The following ZNF184 variants were observed in gnomAD, a reference collection of about 807,000 sequenced individuals.
The protein encoded by ZNF184 is zinc finger protein 184.
In ZNF184, 16 loss-of-function variants were observed where a neutral mutation model predicts 54.4. The observed-to-expected ratio is 0.29, with a 90% CI of 0.20 to 0.45. ZNF184 has a LOEUF of 0.45. ZNF184 is among the 20% of genes least tolerant of loss of function. ZNF184 has a pLI of 1.00. For synonymous variants in ZNF184, 254 were observed against 295.3 expected, an observed-to-expected ratio of 0.86 and a Z score of 1.43; for missense variants, 681 against 888.2, an observed-to-expected ratio of 0.77 and a Z score of 2.97.
At position 27,467,177 on chromosome 6, in the gene ZNF184, A is replaced by T. The variant is rs549844556; in HGVS notation, c.75+676T>A. ...AGGCATCCCAAGTCCCCCATCCTCC[A>T]TGAAACTCTCCTAATCCCTCCAGAC... On this transcript the variant is annotated intron_variant, in intron 3 of 5. Coordinates refer to ENST00000683788, the MANE Select transcript of ZNF184 (RefSeq NM_001318891.2). Among the ~76,000 whole-genome samples, 25 of 152,328 alleles carry T rather than the reference A, an allele frequency of 1.6e-4. No homozygotes were observed. The East Asian group carries it at 4.6e-3, about 28-fold the overall frequency.
the ZNF184 span, among the ~76,000 whole-genome samples, chr6:27,434,984 T>C: frequency 2.0e-5 from 3 of 152,252 alleles, no homozygotes; most frequent in Non-Finnish European, 2.9e-5. Flanking sequence ...TGAGGGTTTA[T>C]TTCTTTGCTG....
At chr6:27,436,742 G>A in the ZNF184 span, among the ~76,000 whole-genome samples, 2 of 152,154 alleles carry the variant, frequency 1.3e-5, no homozygotes, top group Admixed American at 6.5e-5. Context: ...ATATATGTAT[G>A]TGTCACTTGA....
In ZNF184 at chr6:27,452,258, G is replaced by A; in HGVS notation, c.1301C>T (p.Thr434Ile). ...CCCAGTATGAGTTTTTTGATGCTGA[G>A]TGAGGTTTGAGTGCTGGCTGAAGGC... ...GKAFSQHSNL[T>I]QHQKTHTGEK... Residue 434 changes from threonine to isoleucine, a missense_variant, in exon 6 of 6, where the codon ACT becomes ATT. Coordinates refer to ENST00000683788, the MANE Select transcript of ZNF184 (RefSeq NM_001318891.2). The surrounding 1 kb of genome is among the most constrained non-coding windows in gnomAD (Gnocchi z 5.5). The A allele has an allele frequency of 6.2e-7, 1 of 1,614,062 alleles. No homozygotes were observed. Among genetic ancestry groups the A allele is most frequent in the Non-Finnish European group, 8.5e-7 (1 of 1,179,998 alleles).
At chr6:27,443,800 T>G in the ZNF184 span, among the ~76,000 whole-genome samples, 4 of 151,652 alleles carry the variant, frequency 2.6e-5, no homozygotes, top group Non-Finnish European at 4.4e-5. Flanking sequence ...CACCCCCACT[T>G]TAGCTCTTAC....
the ZNF184 span, among the ~76,000 whole-genome samples, chr6:27,425,168 G>T: frequency 6.6e-6 from 1 of 152,196 alleles, no homozygotes; most frequent in East Asian, 1.9e-4. Context: ...CAGCTGGCCC[G>T]CAAGCGCCGC....
chr6:27,405,494 C>G, the ZNF184 span: 1 of 152,288 alleles, frequency 6.6e-6, no homozygotes, highest in Admixed American at 6.5e-5. Flanking sequence ...AACACCCTTT[C>G]TAACAGTGAA....
At chr6:27,439,008 G>A in the ZNF184 span, among the ~76,000 whole-genome samples, 5 of 152,096 alleles carry the variant, frequency 3.3e-5, no homozygotes, top group African/African-American at 7.2e-5. Flanking sequence ...CCAAAACTTC[G>A]TTATTTCATA....
intron 3 of ZNF184, among the ~76,000 whole-genome samples, chr6:27,458,339 A>G (rs1207508294): frequency 2.0e-5 from 3 of 150,992 alleles, no homozygotes; most frequent in African/African-American, 7.3e-5. Flanking sequence ...AGAGTTCAAG[A>G]CAACCTGCAG....
the ZNF184 span, among the ~76,000 whole-genome samples, chr6:27,419,297 A>C: frequency 6.6e-6 from 1 of 152,048 alleles, no homozygotes; most frequent in Non-Finnish European, 1.5e-5. This position sits in a 1 kb window ranked among gnomAD's most constrained non-coding sequence, Gnocchi z 4.8. Context: ...CAGTAGAGAC[A>C]GGGTTTCGCC....
At chr6:27,457,199 A>C (rs1762877962) in intron 4 of ZNF184, 84 bp downstream of exon 4, 1 of 1,520,398 alleles carries the variant, frequency 6.6e-7, no homozygotes, top group Non-Finnish European at 8.8e-7. Flanking sequence ...TGGTTACTAA[A>C]CTTAAAGGCA....
the ZNF184 span, among the ~76,000 whole-genome samples, chr6:27,424,146 T>C: frequency 6.6e-6 from 1 of 152,204 alleles, no homozygotes; most frequent in Non-Finnish European, 1.5e-5. Flanking sequence ...GGCTCAGAAG[T>C]GAAGCTGCAG....
chr6:27,410,590 G>A, the ZNF184 span, among the ~76,000 whole-genome samples: 2 of 152,120 alleles, frequency 1.3e-5, no homozygotes, highest in African/African-American at 4.8e-5. Flanking sequence ...GGAGTGCAGT[G>A]GTGCGATCTC....
chr6:27,469,272 C>G (rs1436050360), intron 2 of ZNF184, among the ~76,000 whole-genome samples: 2 of 152,238 alleles, frequency 1.3e-5, no homozygotes, highest in African/African-American at 4.8e-5. Context: ...AGAAGTAAGA[C>G]AAGAAGAATT....
At chr6:27,411,194 C>T in the ZNF184 span, among the ~76,000 whole-genome samples, 1 of 152,222 alleles carries the variant, frequency 6.6e-6, no homozygotes, top group Admixed American at 6.5e-5. Context: ...TATGGCCTCA[C>T]ATAGGGGAAG....
intron 3 of ZNF184, among the ~76,000 whole-genome samples, chr6:27,466,679 A>G (rs1373776232): frequency 5.4e-5 from 1 of 18,542 alleles, no homozygotes; most frequent in South Asian, 2.7e-3. Context: ...CCCCCAATTA[A>G]AAAAAAAAAT....
chr6:27,409,416 A>G, the ZNF184 span, among the ~76,000 whole-genome samples: 18 of 147,452 alleles, frequency 1.2e-4, no homozygotes, highest in Admixed American at 5.4e-4. Flanking sequence ...GGAGAATGGC[A>G]TGAACCTGGG....
At chr6:27,405,902 T>C in the ZNF184 span, 9 of 152,180 alleles carry the variant, frequency 5.9e-5, no homozygotes, top group African/African-American at 2.2e-4. Context: ...GCCAACTCTA[T>C]TGGTGGTTAC....
chr6:27,469,897 T>TA (rs779351352), intron 2 of ZNF184, among the ~76,000 whole-genome samples: 61 of 150,900 alleles, frequency 4.0e-4, no homozygotes, highest in Non-Finnish European at 5.3e-4. Context: ...CTTAAAACTA[T>TA]AAAAAAAAAT....
chr6:27,404,682 C>G, the ZNF184 span: 1 of 152,156 alleles, frequency 6.6e-6, no homozygotes, highest in Admixed American at 6.5e-5. Flanking sequence ...TGTGGTGATA[C>G]TGGTGTAAAC....
Sources: gnomAD v4.1 joint callset for allele counts (sites outside exome capture counted in the v4.1 genomes callset) on GRCh38, gnomAD v4.1.1 for gene constraint, Gnocchi (gnomAD v3.1) non-coding constraint, MANE v1.5 for transcripts, NCBI Gene and HGNC (gene_info 2026-07-23, HGNC 2026-07-21) for gene names.